Variants in OSBPL6 observed in about 807,000 individuals in gnomAD.
OSBPL6 encodes the protein oxysterol-binding protein-related protein 6.
OSBPL6 carries 49 observed loss-of-function variants against 125.8 expected under a neutral mutation model. The observed-to-expected ratio is 0.39, with a 90% CI of 0.31 to 0.49. The LOEUF (loss-of-function observed/expected upper bound fraction) is 0.49, where lower values mean the gene tolerates loss of function less well. OSBPL6 is among the 20% of genes least tolerant of loss of function. The pLI is 0.88. For synonymous variants in OSBPL6, 394 were observed against 391.8 expected (o/e 1.01, Z -0.07); for missense variants, 986 against 1,135.4 (o/e 0.87, Z 1.89).
chr2:178,328,405 A>G, intron 5 of OSBPL6, 27 bp downstream of exon 5: 1 of 1,601,676 alleles, frequency 6.2e-7, no homozygotes, highest in Non-Finnish European at 8.5e-7. Context: ...ATTCAGGTTC[A>G]GACCATCTTC....
intron 1 of OSBPL6, among the ~76,000 whole-genome samples, chr2:178,238,859 C>A (rs895288604): frequency 2.0e-5 from 3 of 152,216 alleles, no homozygotes; most frequent in Middle Eastern, 3.4e-3. Flanking sequence ...GTACTTCCCC[C>A]CAACTCATGT....
chr2:178,375,466 GGGCTGGAGGGCAGTGGCGCA>G (rs1693782424), intron 15 of OSBPL6, among the ~76,000 whole-genome samples: 4 of 151,934 alleles, frequency 2.6e-5, no homozygotes, highest in African/African-American at 4.8e-5. Context: ...CTTGTTGCCC[GGGCTGGAGGGCAGTGGCGCA>G]ATCTTGGCTC....
At chr2:178,242,695 C>T (rs2091339513) in intron 1 of OSBPL6, among the ~76,000 whole-genome samples, 1 of 152,204 alleles carries the variant, frequency 6.6e-6, no homozygotes, top group East Asian at 1.9e-4. Flanking sequence ...ATGGTTGATG[C>T]AGTGATTTTA....
At position 178,373,960 on chromosome 2, in the gene OSBPL6, CAG is replaced by C. The variant is rs1693641197; in HGVS notation, c.1469_1470del (p.Glu490ValfsTer4). ...GCCAATGAGAGCCGCCTCTCCATGTCAGAGTCTGTTTCTGAGTTCTTTGATGC... is the reference window on the plus strand; with the variant it reads ...GCCAATGAGAGCCGCCTCTCCATGTCAGTCTGTTTCTGAGTTCTTTGATGC... On this transcript the variant is annotated frameshift_variant, in exon 15 of 25. Coordinates refer to ENST00000190611, the MANE Select transcript of OSBPL6 (RefSeq NM_032523.4). LOFTEE classifies it high-confidence loss of function. The C allele has an allele frequency of 3.7e-6, 6 of 1,614,148 alleles. No homozygotes were observed. Among genetic ancestry groups the C allele is most frequent in the Non-Finnish European group, 5.1e-6 (6 of 1,179,984 alleles).
At chr2:178,346,689 G>T (rs1690748986) in intron 11 of OSBPL6, among the ~76,000 whole-genome samples, 1 of 152,176 alleles carries the variant, frequency 6.6e-6, no homozygotes, top group African/African-American at 2.4e-5. Flanking sequence ...AGAGAAACCA[G>T]TTACCACTTA....
intron 1 of OSBPL6, among the ~76,000 whole-genome samples, chr2:178,197,057 G>C (rs2153927187): frequency 6.8e-6 from 1 of 146,530 alleles, no homozygotes; most frequent in South Asian, 2.1e-4. Flanking sequence ...AGATATTGCA[G>C]TGTTGCTCTG....
chr2:178,335,495 T>A (rs1269921138), intron 8 of OSBPL6, among the ~76,000 whole-genome samples: 1 of 152,180 alleles, frequency 6.6e-6, no homozygotes, highest in Non-Finnish European at 1.5e-5. Flanking sequence ...ATGAGACTCC[T>A]GAATGTTAAT....
At chr2:178,364,093 C>T (rs115266108) in intron 13 of OSBPL6, among the ~76,000 whole-genome samples, 1 of 152,184 alleles carries the variant, frequency 6.6e-6, no homozygotes, top group Non-Finnish European at 1.5e-5. Flanking sequence ...TCTTTCCTTT[C>T]TAACAAATTG....
intron 1 of OSBPL6, among the ~76,000 whole-genome samples, chr2:178,276,819 T>C (rs1333765749): frequency 6.7e-6 from 1 of 148,164 alleles, no homozygotes; most frequent in African/African-American, 2.5e-5. Context: ...CTCACAATAA[T>C]TTTTTAAATC....
intron 2 of OSBPL6, among the ~76,000 whole-genome samples, chr2:178,305,056 G>A (rs998421661): frequency 5.3e-5 from 8 of 152,064 alleles, no homozygotes; most frequent in African/African-American, 1.7e-4. Context: ...TTTCCTGCTA[G>A]CAGCTTTCCT....
At chr2:178,202,353 C>T (rs976759163) in intron 1 of OSBPL6, among the ~76,000 whole-genome samples, 5 of 152,054 alleles carry the variant, frequency 3.3e-5, no homozygotes, top group Non-Finnish European at 7.4e-5. Context: ...CTGAAAGTGT[C>T]TTTATTTTGC....
intron 12 of OSBPL6, among the ~76,000 whole-genome samples, chr2:178,359,862 C>A (rs1311968922): frequency 6.6e-6 from 1 of 152,174 alleles, no homozygotes; most frequent in Non-Finnish European, 1.5e-5. Flanking sequence ...CTGCAGTGAG[C>A]AGATTGCTTG....
chr2:178,214,957 A>C (rs559520278), intron 1 of OSBPL6, among the ~76,000 whole-genome samples: 1 of 140,286 alleles, frequency 7.1e-6, no homozygotes, highest in South Asian at 2.5e-4. Flanking sequence ...GTCTCTAAAC[A>C]AACAAAAACC....
At chr2:178,254,422 C>A (rs1015219971) in intron 1 of OSBPL6, among the ~76,000 whole-genome samples, 5 of 151,546 alleles carry the variant, frequency 3.3e-5, no homozygotes, top group African/African-American at 1.2e-4. Flanking sequence ...AAAGAAATTC[C>A]TTTTCCTTAT....
chr2:178,201,204 C>G (rs139125348), intron 1 of OSBPL6, among the ~76,000 whole-genome samples: 118 of 152,108 alleles, frequency 7.8e-4, no homozygotes, highest in Non-Finnish European at 1.0e-3. Flanking sequence ...CATGGTTACT[C>G]TGTCCAAAGA....
rs146560287 is a variant in OSBPL6, at chr2:178,381,077, A to C, written c.1534-1343A>C. Among the ~76,000 whole-genome samples, 750 of 152,322 alleles carry C rather than the reference A, an allele frequency of 4.9e-3. 1 individual carries two copies. The highest frequency in any genetic ancestry group is 0.018 in the African/African-American group (731 of 41,588). The stretch of plus-strand genomic sequence containing the variant: ...TTTACAATAAGAATGTTTTATATTC[A>C]GAAAAAAATACAGCATTGTTTCCAT... On this transcript the variant is annotated intron_variant, in intron 15 of 24. Coordinates refer to ENST00000190611, the MANE Select transcript of OSBPL6 (RefSeq NM_032523.4).
chr2:178,253,639 TAATG>T, intron 1 of OSBPL6, among the ~76,000 whole-genome samples: 1 of 152,366 alleles, frequency 6.6e-6, no homozygotes, highest in South Asian at 2.1e-4. Flanking sequence ...AATATATTCT[TAATG>T]AATAAACTCA....
intron 1 of OSBPL6, among the ~76,000 whole-genome samples, chr2:178,250,047 G>GT (rs2154001778): frequency 6.6e-6 from 1 of 152,234 alleles, no homozygotes; most frequent in East Asian, 1.9e-4. Context: ...GCCAGCAACC[G>GT]TATAGGTTCT....
chr2:178,318,581 TCTG>T (rs576646107), intron 3 of OSBPL6, among the ~76,000 whole-genome samples: 169 of 152,338 alleles, frequency 1.1e-3, no homozygotes, highest in Admixed American at 9.0e-3. Context: ...ACATGCATCT[TCTG>T]CTGCAGGCAT....
Sources: gnomAD v4.1 joint callset for allele counts (sites outside exome capture counted in the v4.1 genomes callset) on GRCh38, gnomAD v4.1.1 for gene constraint, MANE v1.5 for transcripts, NCBI Gene and HGNC (gene_info 2026-07-23, HGNC 2026-07-21) for gene names.